The following ACP3 variants were observed in gnomAD, a reference collection of about 807,000 sequenced individuals.
ACP3 encodes acid phosphatase 3.
ACP3 carries 38 observed loss-of-function variants against 45.6 expected under a neutral mutation model. That is an observed-to-expected ratio of 0.83 (90% confidence interval 0.64 to 1.09). The LOEUF (loss-of-function observed/expected upper bound fraction) is 1.09. Among genes scored for constraint, ACP3 ranks in the 50% least tolerant of loss-of-function variants. ACP3 has a pLI of 0.00. For missense variants in ACP3, 466 were observed against 463.2 expected, an observed-to-expected ratio of 1.01 and a Z score of -0.05; for synonymous variants, 162 against 164.7, an observed-to-expected ratio of 0.98 and a Z score of 0.13.
In ACP3 at chr3:132,332,212, CG is replaced by C. The variant is rs1334049008; in HGVS notation, c.325del (p.Val109LeufsTer5). ...TCTAGGTTTATATTCGAAGCACAGA[CG>C]TTGACCGGACTTTGATGAGTGCTAT... ...HEQVYIRSTD[V>X]DRTLMSAMTN... is the part of the protein sequence containing the mutation. On this transcript the variant is annotated frameshift_variant, in exon 4 of 10. Coordinates refer to ENST00000336375, the MANE Select transcript of ACP3 (RefSeq NM_001099.5). LOFTEE classifies it high-confidence loss of function. The C allele has an allele frequency of 5.6e-6, 9 of 1,614,018 alleles. No homozygotes were observed. The highest frequency in any genetic ancestry group is 6.8e-6 in the Non-Finnish European group (8 of 1,180,004).
downstream of ACP3, among the ~76,000 whole-genome samples, chr3:132,363,658 G>T (rs947045185): frequency 8.5e-5 from 13 of 152,150 alleles, no homozygotes; most frequent in African/African-American, 3.1e-4. Context: ...AGAGTGGTTG[G>T]CCAGGCACGG....
chr3:132,339,751 T>G (rs1471991991), intron 5 of ACP3, among the ~76,000 whole-genome samples: 1 of 152,314 alleles, frequency 6.6e-6, no homozygotes, highest in South Asian at 2.1e-4. Flanking sequence ...CTTTGGGCTT[T>G]TTATGGAGAT....
chr3:132,361,294 T>C (rs1287052905), downstream of ACP3, among the ~76,000 whole-genome samples: 4 of 152,234 alleles, frequency 2.6e-5, no homozygotes, highest in Non-Finnish European at 5.9e-5. Flanking sequence ...TGTTTCCTCA[T>C]TCTTGTTGCC....
At chr3:132,356,372 T>G (rs528954539) in intron 9 of ACP3, among the ~76,000 whole-genome samples, 1 of 152,064 alleles carries the variant, frequency 6.6e-6, no homozygotes, top group East Asian at 1.9e-4. Context: ...GCCTCCCACT[T>G]CTTATCCAAA....
intron 1 of ACP3, among the ~76,000 whole-genome samples, chr3:132,321,045 C>T (rs309990): frequency 0.34 from 52,090 of 151,926 alleles, 9,054 homozygotes; most frequent in Admixed American, 0.41. Context: ...CATGAAGGAC[C>T]TCCTAGCTAC....
intron 5 of ACP3, among the ~76,000 whole-genome samples, chr3:132,338,279 T>G (rs913113270): frequency 2.7e-5 from 4 of 150,608 alleles, no homozygotes; most frequent in African/African-American, 9.9e-5. Context: ...TGGTTTTGTT[T>G]TGTTTTTTTT....
In ACP3 at chr3:132,332,502, A is replaced by G. The variant is rs1576412858; in HGVS notation, c.456+158A>G. Reference sequence around the variant, plus strand: ...TACAAAGGACAATTTAGGACATGGAAAACCCTAGCTAAGAGAGAGTAGGAA... The same window carrying G: ...TACAAAGGACAATTTAGGACATGGAGAACCCTAGCTAAGAGAGAGTAGGAA... On this transcript the variant is annotated intron_variant, in intron 4 of 9. Coordinates refer to ENST00000336375, the MANE Select transcript of ACP3 (RefSeq NM_001099.5). 1.0e-5 allele frequency: 9 copies of G among 895,780 alleles called. No individual in the cohort carries two copies. In the East Asian group the frequency reaches 2.4e-4, roughly 24 times the overall value. The allele number at this position is 895,780 out of a possible 1,614,324, so 55.5% of individuals were successfully genotyped here. A position where few individuals can be genotyped will look rare whatever the true frequency, so the allele number is the denominator to read the frequency against.
At chr3:132,359,300 C>G (rs1407421183), downstream of ACP3, among the ~76,000 whole-genome samples, 1 of 152,120 alleles carries the variant, frequency 6.6e-6, no homozygotes, top group Non-Finnish European at 1.5e-5. Context: ...ATCACAAGGT[C>G]AGGAGATTGA....
intron 1 of ACP3, among the ~76,000 whole-genome samples, chr3:132,322,169 T>C (rs1172102454): frequency 6.6e-6 from 1 of 152,236 alleles, no homozygotes; most frequent in Non-Finnish European, 1.5e-5. Context: ...AGACCTTTTC[T>C]GATATATCAC....
Position 132,350,083 on chromosome 3 carries a change from T to A in ACP3, c.864+81T>A, listed in dbSNP as rs1937688600. On this transcript the variant is annotated intron_variant, in intron 8 of 9. Coordinates refer to ENST00000336375, the MANE Select transcript of ACP3 (RefSeq NM_001099.5). ...AGCACAGGACCTCATCTTTTTTTAATCTTCATTTCCCCATCTCCTTGTACG... is the reference window on the plus strand; with the variant it reads ...AGCACAGGACCTCATCTTTTTTTAAACTTCATTTCCCCATCTCCTTGTACG... 7 of 928,676 alleles carry A rather than the reference T, an allele frequency of 7.5e-6. No homozygotes were observed. In the South Asian group the frequency reaches 1.0e-4, roughly 13 times the overall value. The allele number at this position is 928,676 out of a possible 1,614,324, so 57.5% of individuals were successfully genotyped here. A position where few individuals can be genotyped will look rare whatever the true frequency, so the allele number is the denominator to read the frequency against.
chr3:132,347,020 CCT>C (rs1937617780), intron 7 of ACP3, among the ~76,000 whole-genome samples: 1 of 152,222 alleles, frequency 6.6e-6, no homozygotes, highest in Non-Finnish European at 1.5e-5. Context: ...CCTCATGTTT[CCT>C]CTTTTATTTC....
chr3:132,366,299 C>CAAA (rs757548940), intron 10 of ACP3, among the ~76,000 whole-genome samples: 1 of 81,876 alleles, frequency 1.2e-5, no homozygotes, highest in African/African-American at 4.2e-5. Flanking sequence ...AACTCTGTCT[C>CAAA]AAAAAAAAAA....
In ACP3 at chr3:132,321,044, C is replaced by A. The variant is rs147942805; in HGVS notation, c.120+3468C>A. On this transcript the variant is annotated intron_variant, in intron 1 of 9. Coordinates refer to ENST00000336375, the MANE Select transcript of ACP3 (RefSeq NM_001099.5). ...ACTTCCACATTATGGACATGAAGGA[C>A]CTCCTAGCTACTAGGGAAGGTGGAG... 2.3e-3 allele frequency among the ~76,000 whole-genome samples: 351 copies of A among 152,240 alleles called. 2 individuals carry two copies. The highest frequency in any genetic ancestry group is 8.2e-3 in the African/African-American group (339 of 41,542).
At chr3:132,336,685 A>G (rs1220273921) in intron 4 of ACP3, among the ~76,000 whole-genome samples, 2 of 152,160 alleles carry the variant, frequency 1.3e-5, no homozygotes, top group African/African-American at 2.4e-5. Context: ...CTTCAGGGAC[A>G]GCAAGAAGGC....
chr3:132,346,548 T>C (rs1026800012), intron 7 of ACP3, among the ~76,000 whole-genome samples: 1 of 152,152 alleles, frequency 6.6e-6, no homozygotes, highest in Admixed American at 6.5e-5. Context: ...AGATGGAAGC[T>C]GGAGTGTTGG....
At chr3:132,345,133 T>C (rs972773) in intron 7 of ACP3, 74 bp downstream of exon 7, 210,385 of 1,346,790 alleles carry the variant, frequency 0.16, 18,014 homozygotes, top group Non-Finnish European at 0.18. Flanking sequence ...TTCCCTCCAC[T>C]AATCAACTGT....
At chr3:132,352,877 A>C in intron 9 of ACP3, 54 bp downstream of exon 9, 1 of 1,329,828 alleles carries the variant, frequency 7.5e-7, no homozygotes, top group South Asian at 1.2e-5. Flanking sequence ...GGGTTTCATT[A>C]TTATTATTTT....
At chr3:132,323,354 T>TG (rs1435059343) in intron 1 of ACP3, among the ~76,000 whole-genome samples, 7 of 152,144 alleles carry the variant, frequency 4.6e-5, no homozygotes, top group Admixed American at 4.6e-4. Flanking sequence ...GGCACTGTTT[T>TG]GGGGTTATAG....
At position 132,328,275 on chromosome 3, in the gene ACP3, G is replaced by T; in HGVS notation, c.129G>T (p.Arg43=). 6.2e-7 allele frequency: 1 copy of T among 1,613,528 alleles called. No homozygotes were observed. Among genetic ancestry groups the T allele is most frequent in the Non-Finnish European group, 8.5e-7 (1 of 1,179,622 alleles). The change falls in exon 2 of 10, where the codon CGG becomes CGT. Residue 43 remains arginine, a synonymous_variant. Coordinates refer to ENST00000336375, the MANE Select transcript of ACP3 (RefSeq NM_001099.5). The part of the protein sequence containing the change: ...KELKFVTLVF[R]HGDRSPIDTF... ...CTCACATCTACTTTCAGGTGTTTCG[G>T]CATGGAGACCGAAGTCCCATTGACA... is the stretch of plus-strand genomic sequence containing the variant.
Sources: gnomAD v4.1 joint callset for allele counts (sites outside exome capture counted in the v4.1 genomes callset) on GRCh38, gnomAD v4.1.1 for gene constraint, MANE v1.5 for transcripts, NCBI Gene and HGNC (gene_info 2026-07-23, HGNC 2026-07-21) for gene names.